The following OLFML2A variants were observed in gnomAD, a reference collection of about 807,000 sequenced individuals.
The protein encoded by OLFML2A is olfactomedin-like protein 2A.
In OLFML2A, 47 loss-of-function variants were observed where a neutral mutation model predicts 60.9. That is an observed-to-expected ratio of 0.77 (90% CI 0.61 to 0.98). OLFML2A has a LOEUF of 0.98. Among genes scored for constraint, OLFML2A ranks in the 50% least tolerant of loss-of-function variants. The pLI, the probability that OLFML2A is intolerant of heterozygous loss-of-function variation, is 0.00. For synonymous variants in OLFML2A, 372 were observed against 375.0 expected, an observed-to-expected ratio of 0.99 and a Z score of 0.09; for missense variants, 922 against 879.8, an observed-to-expected ratio of 1.05 and a Z score of -0.61.
intron 1 of OLFML2A, among the ~76,000 whole-genome samples, chr9:124,783,027 C>T (rs1841390152): frequency 6.6e-6 from 1 of 151,874 alleles, no homozygotes; most frequent in Non-Finnish European, 1.5e-5. Flanking sequence ...TGTACAGGAC[C>T]CTGAGCCTGA....
At chr9:124,780,655 C>T (rs1056575502) in intron 1 of OLFML2A, among the ~76,000 whole-genome samples, 5 of 152,230 alleles carry the variant, frequency 3.3e-5, no homozygotes, top group African/African-American at 1.2e-4. Flanking sequence ...CAGGCCAAGC[C>T]CTACTGGGTG....
intron 6 of OLFML2A, among the ~76,000 whole-genome samples, chr9:124,807,406 C>T (rs1286103219): frequency 6.7e-6 from 1 of 150,298 alleles, no homozygotes; most frequent in African/African-American, 2.5e-5. Context: ...GTCTCAGCTT[C>T]CTGAGTAGCT....
rs750733365 is a variant in OLFML2A at position 124,784,943 on chromosome 9, G to GTTTTTTTTTTTTTTTTTTTTTTT, written c.91-2026_91-2004dup. On this transcript the variant is annotated intron_variant, in intron 1 of 7. Transcript: ENST00000373580. ...AATCAGTACTGCATTCCTTTTACTT[G>GTTTTTTTTTTTTTTTTTTTTTTT]TTTTTTTTTTTTTTTTTTTTTTTTT... 2.2e-4 allele frequency among the ~76,000 whole-genome samples: 15 copies of GTTTTTTTTTTTTTTTTTTTTTTT among 69,594 alleles called. 3 individuals carry two copies. The highest frequency in any genetic ancestry group is 6.0e-4 in the South Asian group (1 of 1,664). 45.7% of individuals were successfully genotyped at this position (69,594 alleles called of 152,430 possible). A position where few individuals can be genotyped will look rare whatever the true frequency, so the allele number is the denominator to read the frequency against.
chr9:124,785,301 A>G (rs1156586626), intron 1 of OLFML2A, among the ~76,000 whole-genome samples: 1 of 149,422 alleles, frequency 6.7e-6, no homozygotes, highest in Admixed American at 6.7e-5. Context: ...GTTGATGGAC[A>G]TTTGGGTTGT....
At chr9:124,791,373 T>A (rs574664398) in intron 2 of OLFML2A, among the ~76,000 whole-genome samples, 41 of 152,334 alleles carry the variant, frequency 2.7e-4, no homozygotes, top group African/African-American at 7.9e-4. Flanking sequence ...GGGCCAGTTT[T>A]TTAAAGATTA....
At chr9:124,796,114 G>A (rs1212588261) in intron 3 of OLFML2A, among the ~76,000 whole-genome samples, 5 of 152,232 alleles carry the variant, frequency 3.3e-5, no homozygotes, top group African/African-American at 1.2e-4. Context: ...TCCTTTCCCA[G>A]CTTCCTTTAC....
Position 124,810,144 on chromosome 9 carries a change from C to A in OLFML2A, c.1691C>A (p.Thr564Asn), listed in dbSNP as rs748423275. The change falls in exon 8 of 8, where the codon ACC (threonine) becomes AAC (asparagine). Residue 564 changes from threonine to asparagine, a missense_variant. Physicochemically the swap from Thr to Asn is moderately conservative, Grantham distance 65 (BLOSUM62 0). Coordinates refer to ENST00000373580, the MANE Select transcript of OLFML2A (RefSeq NM_182487.4). ...DPGDLSVHRE[T>N]TWKTRLRRNS... is the part of the protein sequence containing the mutation. The stretch of plus-strand genomic sequence containing the variant: ...GGCGATCTCTCCGTGCACCGGGAGA[C>A]CACGTGGAAGACACGGCTGCGGCGG... 4 of 1,613,918 alleles carry A rather than the reference C, an allele frequency of 2.5e-6. No individual in the cohort carries two copies. The highest frequency in any genetic ancestry group is 1.7e-6 in the Non-Finnish European group (2 of 1,180,012).
intron 6 of OLFML2A, among the ~76,000 whole-genome samples, chr9:124,805,135 T>G (rs957586870): frequency 2.0e-5 from 3 of 152,252 alleles, no homozygotes; most frequent in African/African-American, 4.8e-5. Flanking sequence ...TTTATAGTTT[T>G]GCTCTGTGTC....
intron 2 of OLFML2A, among the ~76,000 whole-genome samples, chr9:124,790,335 C>G (rs1841548431): frequency 6.6e-6 from 1 of 151,880 alleles, no homozygotes; most frequent in South Asian, 2.1e-4. Flanking sequence ...ATGCCCGGCT[C>G]ATTTTTTTTT....
chr9:124,810,088 C>A lies in OLFML2A; in HGVS notation c.1635C>A (p.Pro545=). 6.2e-7 allele frequency: 1 copy of A among 1,613,832 alleles called. No individual in the cohort carries two copies. Among genetic ancestry groups the A allele is most frequent in the African/African-American group, 1.3e-5 (1 of 75,032 alleles). ...PAVDDRDEAQ[P]EVIVLSRLDP... is the part of the protein sequence containing the mutation. Reference sequence around the variant, plus strand: ...TGGACGACCGCGATGAGGCCCAGCCCGAGGTGATCGTCCTGAGTCGCTTGG... The same window carrying A: ...TGGACGACCGCGATGAGGCCCAGCCAGAGGTGATCGTCCTGAGTCGCTTGG... The change falls in exon 8 of 8, where the codon CCC becomes CCA. Residue 545 remains proline, a synonymous_variant. Coordinates refer to ENST00000373580, the MANE Select transcript of OLFML2A (RefSeq NM_182487.4).
Position 124,813,523 on chromosome 9 carries a change from T to C in OLFML2A, c.*3111T>C, listed in dbSNP as rs1055254633. 6.6e-6 allele frequency: 1 copy of C among 152,196 alleles called. No individual in the cohort carries two copies. 9.4% of individuals were successfully genotyped at this position (152,196 alleles called of 1,614,324 possible). A position where few individuals can be genotyped will look rare whatever the true frequency, so the allele number is the denominator to read the frequency against. On this transcript the variant is annotated 3_prime_UTR_variant, in exon 8 of 8. Coordinates refer to ENST00000373580, the MANE Select transcript of OLFML2A (RefSeq NM_182487.4). The stretch of plus-strand genomic sequence containing the variant: ...CAGCAGCTCAGCCTGTTCCAGGCGC[T>C]GGTCAGTGCGTGTTCTTTGCCACCA...
chr9:124,801,978 A>G (rs1841787981), intron 5 of OLFML2A, among the ~76,000 whole-genome samples: 2 of 152,184 alleles, frequency 1.3e-5, no homozygotes, highest in Admixed American at 6.5e-5. Context: ...GGAATGGTAG[A>G]GACACAGTCC....
At chr9:124,789,800 T>G (rs934120176) in intron 2 of OLFML2A, among the ~76,000 whole-genome samples, 1 of 151,974 alleles carries the variant, frequency 6.6e-6, no homozygotes, top group Non-Finnish European at 1.5e-5. Flanking sequence ...GGGTGGGGAG[T>G]CAGGGGGAAT....
chr9:124,800,975 A>G, intron 4 of OLFML2A: 1 of 1,547,424 alleles, frequency 6.5e-7, no homozygotes, highest in East Asian at 2.4e-5. Context: ...GGAATGTTCC[A>G]GGCACTCTGG....
rs551771302 is a variant in OLFML2A, at chr9:124,803,738, C to G, written c.920-356C>G. ...CTTGATGCATAGGAAGGAAAGGGAT[C>G]TCCTTTTTGGTACCTCGTATTTGCT... On this transcript the variant is annotated intron_variant, in intron 5 of 7. Transcript: ENST00000373580. 3.3e-5 allele frequency among the ~76,000 whole-genome samples: 5 copies of G among 152,338 alleles called. No homozygotes were observed. The South Asian group carries it at 8.3e-4, about 25-fold the overall frequency.
In OLFML2A at chr9:124,807,294, C is replaced by CTTTTTTTTT. The variant is rs56823893; in HGVS notation, c.1169-483_1169-475dup. ...TGAAGATTTTTATTTTCTCCATTCT[C>CTTTTTTTTT]TTTTTTTTTTTTGAGAAGAGTTTCA... On this transcript the variant is annotated intron_variant, in intron 6 of 7. Transcript: ENST00000373580. Among the ~76,000 whole-genome samples, 14 of 136,156 alleles carry CTTTTTTTTT rather than the reference C, an allele frequency of 1.0e-4. 1 individual carries two copies. The highest frequency in any genetic ancestry group is 2.2e-4 in the East Asian group (1 of 4,482). 89.3% of individuals were successfully genotyped at this position (136,156 alleles called of 152,430 possible).
At chr9:124,789,874 T>A (rs1254869805) in intron 2 of OLFML2A, among the ~76,000 whole-genome samples, 1 of 152,152 alleles carries the variant, frequency 6.6e-6, no homozygotes, top group African/African-American at 2.4e-5. Context: ...TCTACATGGG[T>A]CTCACTTAGG....
intron 3 of OLFML2A, among the ~76,000 whole-genome samples, chr9:124,797,213 T>C (rs547650581): frequency 1.3e-5 from 2 of 152,338 alleles, no homozygotes; most frequent in Non-Finnish European, 2.9e-5. Flanking sequence ...ATTTCTGGGC[T>C]CAAGCGATCC....
At chr9:124,799,216 T>G in intron 3 of OLFML2A, 69 bp from the exon 4 acceptor site, 2 of 1,118,994 alleles carry the variant, frequency 1.8e-6, no homozygotes, top group Non-Finnish European at 2.7e-6. Flanking sequence ...AAAGCTGGGG[T>G]GTCCCTCCAG....
Sources: allele counts gnomAD v4.1 joint callset (sites outside exome capture counted in the v4.1 genomes callset), GRCh38; gene constraint gnomAD v4.1.1; transcripts MANE v1.5; gene names NCBI Gene and HGNC (gene_info 2026-07-23, HGNC 2026-07-21).